The following LCOR variants were observed in gnomAD, a reference collection of about 807,000 sequenced individuals.
LCOR encodes the protein ligand-dependent corepressor.
In LCOR, 14 loss-of-function variants were observed where a neutral mutation model predicts 64.4. That is an observed-to-expected ratio of 0.22 (90% CI 0.14 to 0.34). The LOEUF is 0.34. Ranked by LOEUF, LCOR falls within the 10% of genes least tolerant of loss-of-function variation. The pLI is 1.00. For synonymous variants in LCOR, 643 were observed against 642.5 expected (o/e 1.00, Z -0.01); for missense variants, 1,686 against 1,765.3 (o/e 0.96, Z 0.80).
rs1269712276 is a variant in LCOR, at chr10:96,944,357, T to C, written c.-51+112T>C. On this transcript the variant is annotated intron_variant, in intron 5 of 7. Transcript: ENST00000421806. ...TTAAAAACATTTTTCTTTATTGATA[T>C]AATTTATATTGTTCTATATACCTTG... The C allele has an allele frequency of 7.4e-6, 4 of 542,978 alleles. No homozygotes were observed. The African/African-American group carries it at 8.2e-5, about 11-fold the overall frequency. The allele number at this position is 542,978 out of a possible 1,614,324, so 33.6% of individuals were successfully genotyped here.
intron 4 of LCOR, among the ~76,000 whole-genome samples, chr10:96,930,923 T>A (rs1415262636): frequency 6.6e-6 from 1 of 152,140 alleles, no homozygotes; most frequent in Non-Finnish European, 1.5e-5. Context: ...AAAATAAGCT[T>A]CTGTTATTTA....
chr10:96,848,766 G>A (rs1845674109), intron 2 of LCOR, among the ~76,000 whole-genome samples: 1 of 152,108 alleles, frequency 6.6e-6, no homozygotes. Flanking sequence ...TTATTATACA[G>A]GATGTTCAGT....
chr10:96,900,077 A>AT (rs1327350164), intron 2 of LCOR, among the ~76,000 whole-genome samples: 1 of 152,104 alleles, frequency 6.6e-6, no homozygotes, highest in Admixed American at 6.5e-5. Context: ...ATTTGCAATT[A>AT]TTTTTTCATT....
Position 96,845,449 on chromosome 10 carries a change from C to CTTTTTTTTTTTT in LCOR, c.-330+11996_-330+12007dup, listed in dbSNP as rs762639752. 1.8e-4 allele frequency among the ~76,000 whole-genome samples: 9 copies of CTTTTTTTTTTTT among 48,686 alleles called. 3 individuals are homozygous for CTTTTTTTTTTTT. The highest frequency in any genetic ancestry group is 2.6e-4 in the Non-Finnish European group (7 of 26,744). The allele number at this position is 48,686 out of a possible 152,430, so 31.9% of individuals were successfully genotyped here. On this transcript the variant is annotated intron_variant, in intron 2 of 7. Transcript: ENST00000421806. ...TTTGCCTCTTATAAATGGGCTTATCCTTTTTTTTTTTTTTTTTTTTTTTTT... is the reference window on the plus strand; with the variant it reads ...TTTGCCTCTTATAAATGGGCTTATCCTTTTTTTTTTTTTTTTTTTTTTTTTTTTTTTTTTTTT...
chr10:96,883,741 C>T (rs1846299735), intron 2 of LCOR, among the ~76,000 whole-genome samples: 1 of 152,168 alleles, frequency 6.6e-6, no homozygotes, highest in South Asian at 2.1e-4. Context: ...AATAACAGGC[C>T]TTTATCAGAT....
intron 2 of LCOR, among the ~76,000 whole-genome samples, chr10:96,890,966 C>A (rs1184949258): frequency 1.3e-5 from 2 of 152,010 alleles, no homozygotes; most frequent in Non-Finnish European, 2.9e-5. Context: ...ATTCTTGCAT[C>A]TCTATTCGTG....
chr10:96,955,381 A>C, intron 7 of LCOR: 1 of 1,614,210 alleles, frequency 6.2e-7, no homozygotes, highest in Non-Finnish European at 8.5e-7. Flanking sequence ...GTAGATTTAA[A>C]GATACCACAA....
At chr10:96,971,738 A>T (rs1169869841) in intron 7 of LCOR, among the ~76,000 whole-genome samples, 6 of 152,214 alleles carry the variant, frequency 3.9e-5, no homozygotes, top group Non-Finnish European at 7.3e-5. Context: ...AGGGGCAGAG[A>T]TATACAATAT....
intron 2 of LCOR, among the ~76,000 whole-genome samples, chr10:96,848,924 G>A (rs1249925537): frequency 6.7e-6 from 1 of 148,252 alleles, no homozygotes; most frequent in East Asian, 2.0e-4. Context: ...CCTTGTTTTT[G>A]TGCATATAAA....
At chr10:96,846,664 A>G (rs1268434905) in intron 2 of LCOR, among the ~76,000 whole-genome samples, 1 of 152,192 alleles carries the variant, frequency 6.6e-6, no homozygotes, top group Non-Finnish European at 1.5e-5. Context: ...TTGCGTATAT[A>G]TTTACTGTGT....
intron 4 of LCOR, among the ~76,000 whole-genome samples, chr10:96,939,994 T>C (rs930253512): frequency 7.9e-5 from 12 of 152,180 alleles, no homozygotes; most frequent in African/African-American, 2.9e-4. Flanking sequence ...TGAATGGACA[T>C]TTTTCCAAAG....
rs749278456 is a variant in LCOR at position 96,981,268 on chromosome 10, T to A, written c.808T>A (p.Tyr270Asn). 8.7e-6 allele frequency: 10 copies of A among 1,149,912 alleles called. No homozygotes were observed. The highest frequency in any genetic ancestry group is 1.3e-5 in the Non-Finnish European group (10 of 773,346). The allele number at this position is 1,149,912 out of a possible 1,614,324, so 71.2% of individuals were successfully genotyped here. Residue 270 changes from tyrosine (Y) to asparagine (N), a missense_variant, in exon 8 of 8, where the codon TAC (tyrosine) becomes AAC (asparagine). By Grantham distance (143) the Tyr-to-Asn change is moderately radical (BLOSUM62 -2). Transcript: ENST00000421806. ...TTCAGTGGATAGTTTCACTCCGGGA[T>A]ACCTCACTGCATCTAATTGTTCCTC... is the stretch of plus-strand genomic sequence containing the variant. The part of the protein sequence containing the change: ...SSSVDSFTPG[Y>N]LTASNCSSVN...
At chr10:96,890,006 C>T (rs1307453183) in intron 2 of LCOR, among the ~76,000 whole-genome samples, 1 of 152,140 alleles carries the variant, frequency 6.6e-6, no homozygotes, top group Non-Finnish European at 1.5e-5. Flanking sequence ...AGCATCTGCG[C>T]CGTTTTGCAT....
Position 96,982,362 on chromosome 10 carries a change from C to T in LCOR, c.1902C>T (p.Ser634=), listed in dbSNP as rs781695793. 9 of 1,614,154 alleles carry T rather than the reference C, an allele frequency of 5.6e-6. No individual in the cohort carries two copies. In the Admixed American group the frequency reaches 1.2e-4, roughly 21 times the overall value. The change falls in exon 8 of 8, where the codon TCC becomes TCT. Residue 634 remains serine (S), a synonymous_variant. Coordinates refer to ENST00000421806, the MANE Select transcript of LCOR (RefSeq NM_001346516.2). ...LPEEDLPEGG[S]TVSAPTASGM... is the part of the protein sequence containing the mutation. ...AAGAGGACCTGCCAGAAGGTGGCTC[C>T]ACAGTCTCAGCTCCCACAGCAAGTG...
At chr10:96,880,934 TA>T (rs1192142807) in intron 2 of LCOR, among the ~76,000 whole-genome samples, 24 of 152,234 alleles carry the variant, frequency 1.6e-4, no homozygotes, top group African/African-American at 5.8e-4. Flanking sequence ...CAAATATAAC[TA>T]ATATTGAAGA....
At chr10:96,915,836 C>T in intron 4 of LCOR, 1 of 530,412 alleles carries the variant, frequency 1.9e-6, no homozygotes, top group Non-Finnish European at 3.6e-6. Flanking sequence ...TGCAGATCTT[C>T]TCTGTGGTTA....
intron 4 of LCOR, among the ~76,000 whole-genome samples, chr10:96,913,341 A>T (rs1156637801): frequency 6.6e-6 from 1 of 152,190 alleles, no homozygotes; most frequent in East Asian, 1.9e-4. Context: ...TGATAGTATG[A>T]AGAGCTAATC....
intron 2 of LCOR, among the ~76,000 whole-genome samples, chr10:96,887,959 G>A (rs1238851767): frequency 6.6e-6 from 1 of 151,718 alleles, no homozygotes; most frequent in South Asian, 2.1e-4. Flanking sequence ...GGGATTACAG[G>A]CATGAACCAC....
chr10:96,935,321 ATATTT>A, intron 4 of LCOR, among the ~76,000 whole-genome samples: 1 of 151,474 alleles, frequency 6.6e-6, no homozygotes, highest in African/African-American at 2.4e-5. Context: ...GCTAATGTTT[ATATTT>A]TTAGCGGAGA....
Sources: allele counts gnomAD v4.1 joint callset (sites outside exome capture counted in the v4.1 genomes callset), GRCh38; gene constraint gnomAD v4.1.1; transcripts MANE v1.5; gene names NCBI Gene and HGNC (gene_info 2026-07-23, HGNC 2026-07-21).